ERMARD: variants seen among roughly 807,000 people sequenced by gnomAD.
ERMARD encodes ER membrane associated RNA degradation.
Under a neutral mutation model 83.9 loss-of-function variants are expected in ERMARD, and 71 were observed. The ratio of observed to expected loss-of-function variants is 0.85; its 90% CI spans 0.70 to 1.03. ERMARD has a LOEUF of 1.03. ERMARD is among the 50% of genes least tolerant of loss of function. The pLI is 0.00. For missense variants in ERMARD, 838 were observed against 810.9 expected (o/e 1.03, Z -0.41); for synonymous variants, 284 against 298.6 (o/e 0.95, Z 0.50).
upstream of ERMARD, chr6:169,751,473 C>G (rs1350600152): frequency 1.2e-6 from 2 of 1,612,764 alleles, no homozygotes; most frequent in Admixed American, 3.3e-5. Flanking sequence ...CTCTGTTCTC[C>G]AAGACGCCCA....
chr6:169,767,092 G>T (rs1792303641), intron 10 of ERMARD: 1 of 156,850 alleles, frequency 6.4e-6, no homozygotes, highest in African/African-American at 2.4e-5. Flanking sequence ...GTCAGCCACG[G>T]AGCGCACAGG....
chr6:169,774,499 C>A (rs1178900455), intron 13 of ERMARD, among the ~76,000 whole-genome samples: 1 of 152,302 alleles, frequency 6.6e-6, no homozygotes, highest in East Asian at 1.9e-4. Context: ...GTCTTCTAAC[C>A]AGAGCCACTG....
Position 169,762,598 on chromosome 6 carries a change from A to C in ERMARD, c.960+67A>C. 3.0e-6 allele frequency: 4 copies of C among 1,353,062 alleles called. No homozygotes were observed. The South Asian group carries it at 3.8e-5, about 13-fold the overall frequency. 83.8% of individuals were successfully genotyped at this position (1,353,062 alleles called of 1,614,324 possible). A position where few individuals can be genotyped will look rare whatever the true frequency, so the allele number is the denominator to read the frequency against. On this transcript the variant is annotated intron_variant, in intron 9 of 17. Coordinates refer to ENST00000366773, the MANE Select transcript of ERMARD (RefSeq NM_018341.3). ...ATTAACAGTTTTCTGTTACCAATTA[A>C]AAGTTTTTAAAAATGTTATTCTGTT...
intron 11 of ERMARD, 120 bp from the exon 12 acceptor site, chr6:169,769,420 G>A: frequency 2.2e-6 from 2 of 897,682 alleles, no homozygotes; most frequent in South Asian, 4.1e-5. Flanking sequence ...CCCCAGCAGA[G>A]TCCCACCCAG....
rs746041255 is a variant in ERMARD, at chr6:169,779,222, C to A, written c.1780C>A (p.Leu594Ile). The A allele has an allele frequency of 3.7e-5, 60 of 1,614,130 alleles. No individual in the cohort carries two copies. The Middle Eastern group carries it at 4.9e-4, about 13-fold the overall frequency. Residue 594 changes from leucine to isoleucine, a missense_variant, in exon 17 of 18, where the codon CTC becomes ATC. Leu to Ile is a conservative substitution (Grantham distance 5). Transcript: ENST00000366773. ...CCCTGTGCTCAGCCTGATACTGTTA[C>A]TCATTGCGCTGGAGTTGGTCAACAT... Reference protein sequence around the residue: ...LSPVLSLILLLIALELVNIHA... With the variant: ...LSPVLSLILLIIALELVNIHA...
At chr6:169,774,714 G>A (rs1470298421) in intron 13 of ERMARD, among the ~76,000 whole-genome samples, 1 of 152,238 alleles carries the variant, frequency 6.6e-6, no homozygotes, top group Non-Finnish European at 1.5e-5. Context: ...GAAATGGGGA[G>A]CATCTGCCGA....
intron 9 of ERMARD, among the ~76,000 whole-genome samples, chr6:169,766,175 G>C (rs1792180667): frequency 6.6e-6 from 1 of 152,214 alleles, no homozygotes; most frequent in Non-Finnish European, 1.5e-5. Context: ...TTGCAGTTGG[G>C]ATCAGAACTC....
rs191004748 is a variant in ERMARD, at chr6:169,758,697, T to C, written c.508-271T>C. On this transcript the variant is annotated intron_variant, in intron 5 of 17. Transcript: ENST00000366773. ...GCCTTTGAGACCTTGGTTTCACCTT[T>C]CCATGCTTGTATTTTTTTCACCTAG... Among the ~76,000 whole-genome samples the C allele has an allele frequency of 3.9e-5, 6 of 152,350 alleles. No individual in the cohort carries two copies. The East Asian group carries it at 1.2e-3, about 29-fold the overall frequency.
chr6:169,751,759 A>G, intron 1 of ERMARD, 96 bp downstream of exon 1: 1 of 1,429,948 alleles, frequency 7.0e-7, no homozygotes. Flanking sequence ...GCGAGCGAGC[A>G]CGCGCCTGCG....
At chr6:169,760,801 C>A in intron 8 of ERMARD, 45 bp downstream of exon 8, 1 of 1,348,218 alleles carries the variant, frequency 7.4e-7, no homozygotes, top group Non-Finnish European at 1.0e-6. Flanking sequence ...TGGTTGGAGG[C>A]CATTCTTTCT....
chr6:169,765,269 TTATTAGCACAGGCTTTCACCCAG>T (rs1355698661), intron 9 of ERMARD, among the ~76,000 whole-genome samples: 1 of 152,252 alleles, frequency 6.6e-6, no homozygotes, highest in Non-Finnish European at 1.5e-5. Flanking sequence ...AAAGAATATA[TTATTAGCACAGGCTTTCACCCAG>T]AATAAACAGG....
chr6:169,760,783 G>C (rs1220395676), intron 8 of ERMARD, 27 bp downstream of exon 8: 1 of 1,497,548 alleles, frequency 6.7e-7, no homozygotes, highest in Middle Eastern at 1.7e-4. Context: ...TGGCAGAGTG[G>C]TTTGCAGTGG....
chr6:169,774,762 T>C (rs889749632), intron 13 of ERMARD, among the ~76,000 whole-genome samples: 1 of 152,206 alleles, frequency 6.6e-6, no homozygotes, highest in African/African-American at 2.4e-5. Context: ...CGTTGATGGC[T>C]GTGGTCCCCC....
chr6:169,769,590 T>A lies in ERMARD; in HGVS notation c.1110T>A (p.Asp370Glu), dbSNP rs751836253. 6.2e-7 allele frequency: 1 copy of A among 1,612,652 alleles called. No individual in the cohort carries two copies. Among genetic ancestry groups the A allele is most frequent in the South Asian group, 1.1e-5 (1 of 90,516 alleles). ...ATCAGGAGGGTCCCCGCATAAGAGA[T>A]CATTTAAGCCACGGGGAGATCAACT... ...LNHQEGPRIRDHLSHGEINLH... is the reference protein window; with the variant it reads ...LNHQEGPRIREHLSHGEINLH... Residue 370 changes from aspartate (D) to glutamate (E), a missense_variant, in exon 12 of 18, where the codon GAT (aspartate) becomes GAA (glutamate). Transcript: ENST00000366773.
chr6:169,755,509 C>T, intron 3 of ERMARD, 87 bp downstream of exon 3: 3 of 1,519,680 alleles, frequency 2.0e-6, no homozygotes, highest in Non-Finnish European at 2.7e-6. Context: ...AAAGGGGCCT[C>T]CTTCATCCCC....
chr6:169,773,240 C>G lies in ERMARD; in HGVS notation c.1234-79C>G, dbSNP rs191715904. On this transcript the variant is annotated intron_variant, in intron 12 of 17. Transcript: ENST00000366773. ...AGAAAGATAATGAGAAATGGGGACT[C>G]TAAGTGGCCTACAGTTCAATAGAAG... The G allele has an allele frequency of 1.4e-5, 16 of 1,151,496 alleles. No individual in the cohort carries two copies. In the East Asian group the frequency reaches 3.1e-4, roughly 22 times the overall value. 71.3% of individuals were successfully genotyped at this position (1,151,496 alleles called of 1,614,324 possible). A position where few individuals can be genotyped will look rare whatever the true frequency, so the allele number is the denominator to read the frequency against.
intron 9 of ERMARD, among the ~76,000 whole-genome samples, chr6:169,764,158 C>T (rs944440853): frequency 2.0e-5 from 3 of 152,110 alleles, no homozygotes; most frequent in Admixed American, 1.3e-4. Context: ...AACTGAGAAG[C>T]CCCCCGCCTG....
chr6:169,775,435 A>C (rs1013975367), intron 14 of ERMARD, 89 bp downstream of exon 14: 28 of 1,431,860 alleles, frequency 2.0e-5, no homozygotes, highest in Non-Finnish European at 2.4e-5. Flanking sequence ...GGCTGTGGGA[A>C]GATAAAAGGG....
At position 169,779,175 on chromosome 6, in the gene ERMARD, T is replaced by C; in HGVS notation, c.1740-7T>C. On this transcript the variant is annotated splice_region_variant and splice_polypyrimidine_tract_variant and intron_variant, in intron 16 of 17. Transcript: ENST00000366773. ...TCACATTTTAATTTACTTTTATCTGTTTTTAGTATCAGACTACTGTCCCCT... is the reference window on the plus strand; with the variant it reads ...TCACATTTTAATTTACTTTTATCTGCTTTTAGTATCAGACTACTGTCCCCT... The C allele has an allele frequency of 3.1e-6, 5 of 1,610,122 alleles. No homozygotes were observed. In the South Asian group the frequency reaches 4.4e-5, roughly 14 times the overall value.
Sources: gnomAD v4.1 joint callset for allele counts (sites outside exome capture counted in the v4.1 genomes callset) on GRCh38, gnomAD v4.1.1 for gene constraint, MANE v1.5 for transcripts, NCBI Gene and HGNC (gene_info 2026-07-23, HGNC 2026-07-21) for gene names.